The following CNTNAP2 variants were observed in gnomAD, a reference collection of about 807,000 sequenced individuals.
The protein encoded by CNTNAP2 is contactin associated protein 2, also known as contactin-associated protein-like 2.
CNTNAP2 carries 98 observed loss-of-function variants against 155.2 expected under a neutral mutation model. That is an observed-to-expected ratio of 0.63 (90% CI 0.54 to 0.75). CNTNAP2 has a LOEUF of 0.75. Among genes scored for constraint, CNTNAP2 ranks in the 30% least tolerant of loss-of-function variants. CNTNAP2 has a pLI of 0.00. For synonymous variants in CNTNAP2, 651 were observed against 631.2 expected (o/e 1.03, Z -0.47); for missense variants, 1,727 against 1,688.1 (o/e 1.02, Z -0.40).
rs115480137 is a variant in CNTNAP2 at position 146,746,918 on chromosome 7, A to G, written c.98-27353A>G. ...CCTAGCAACAAAGAAGTTTTTTCCTATTATCTTTTTTCCATATTTGGGGAT... is the reference window on the plus strand; with the variant it reads ...CCTAGCAACAAAGAAGTTTTTTCCTGTTATCTTTTTTCCATATTTGGGGAT... On this transcript the variant is annotated intron_variant, in intron 1 of 23. Transcript: ENST00000361727. Among the ~76,000 whole-genome samples the G allele has an allele frequency of 2.9e-3, 434 of 149,370 alleles. 3 individuals are homozygous for G. The highest frequency in any genetic ancestry group is 0.01 in the African/African-American group (399 of 38,792).
intron 13 of CNTNAP2, among the ~76,000 whole-genome samples, chr7:147,850,633 C>T (rs1276315201): frequency 6.6e-6 from 1 of 152,224 alleles, no homozygotes; most frequent in Non-Finnish European, 1.5e-5. Flanking sequence ...CTACAACCAT[C>T]TGATCTTTGA....
intron 21 of CNTNAP2, among the ~76,000 whole-genome samples, chr7:148,334,523 T>G (rs1311961351): frequency 6.6e-6 from 1 of 150,436 alleles, no homozygotes; most frequent in Non-Finnish European, 1.5e-5. Context: ...GGAAAAGGGG[T>G]TTTTCCAGGT....
At chr7:148,279,964 T>C (rs2116459322) in intron 21 of CNTNAP2, among the ~76,000 whole-genome samples, 1 of 152,206 alleles carries the variant, frequency 6.6e-6, no homozygotes, top group Non-Finnish European at 1.5e-5. Context: ...TGCCAAGGGT[T>C]AGTGACTAGG....
At chr7:148,288,919 C>G (rs2177998) in intron 21 of CNTNAP2, among the ~76,000 whole-genome samples, 99,275 of 135,264 alleles carry the variant, frequency 0.73, 34,714 homozygotes, top group South Asian at 0.82. Context: ...TTTTTAATTA[C>G]AACAGATTAA....
At chr7:146,215,000 A>G (rs1157854208) in intron 1 of CNTNAP2, among the ~76,000 whole-genome samples, 1 of 152,168 alleles carries the variant, frequency 6.6e-6, no homozygotes. Flanking sequence ...GTTTCAGAAA[A>G]TCTGCTCCGT....
chr7:147,168,409 C>T (rs1345661721), intron 8 of CNTNAP2, among the ~76,000 whole-genome samples: 1 of 151,916 alleles, frequency 6.6e-6, no homozygotes, highest in Non-Finnish European at 1.5e-5. Context: ...TATGGATTTT[C>T]TCCTAATTAA....
At chr7:148,126,747 C>T (rs919769492) in intron 16 of CNTNAP2, among the ~76,000 whole-genome samples, 1 of 151,982 alleles carries the variant, frequency 6.6e-6, no homozygotes, top group African/African-American at 2.4e-5. Flanking sequence ...ACAATATGAA[C>T]GGGGAGAGGA....
intron 13 of CNTNAP2, among the ~76,000 whole-genome samples, chr7:147,874,299 C>T (rs1295842353): frequency 6.6e-6 from 1 of 152,238 alleles, no homozygotes; most frequent in Non-Finnish European, 1.5e-5. Context: ...GGGGCCTGTG[C>T]CTGCAGCAAA....
At chr7:146,559,391 A>G (rs1397703369) in intron 1 of CNTNAP2, among the ~76,000 whole-genome samples, 1 of 152,048 alleles carries the variant, frequency 6.6e-6, no homozygotes, top group Non-Finnish European at 1.5e-5. Flanking sequence ...AACGTGGTGA[A>G]ACCTCGTCTG....
At chr7:148,227,679 G>A (rs897592706) in intron 19 of CNTNAP2, among the ~76,000 whole-genome samples, 2 of 152,284 alleles carry the variant, frequency 1.3e-5, no homozygotes, top group African/African-American at 2.4e-5. Flanking sequence ...TCCAATCCAC[G>A]GTGCTTAGTT....
intron 13 of CNTNAP2, among the ~76,000 whole-genome samples, chr7:147,812,341 G>T (rs186924489): frequency 7.9e-5 from 12 of 152,102 alleles, no homozygotes; most frequent in Admixed American, 7.2e-4. Context: ...GCAAAAATAT[G>T]TACTATTTGG....
chr7:148,080,698 A>T (rs1803584292), intron 15 of CNTNAP2, among the ~76,000 whole-genome samples: 1 of 152,144 alleles, frequency 6.6e-6, no homozygotes, highest in African/African-American at 2.4e-5. Flanking sequence ...ATAATCCAAA[A>T]ACTGTTTAAT....
intron 3 of CNTNAP2, among the ~76,000 whole-genome samples, chr7:147,024,540 A>G (rs2129247783): frequency 6.6e-6 from 1 of 152,298 alleles, no homozygotes; most frequent in African/African-American, 2.4e-5. Context: ...GTAAATTATA[A>G]AGAAAAGAGG....
At chr7:148,094,887 A>C (rs938210712) in intron 15 of CNTNAP2, among the ~76,000 whole-genome samples, 4 of 152,218 alleles carry the variant, frequency 2.6e-5, no homozygotes, top group African/African-American at 9.6e-5. Context: ...TATCAATGGG[A>C]AGATAGTTGA....
chr7:146,585,235 C>T (rs1798671040), intron 1 of CNTNAP2, among the ~76,000 whole-genome samples: 1 of 152,078 alleles, frequency 6.6e-6, no homozygotes, highest in Non-Finnish European at 1.5e-5. Context: ...CATTTTCCTG[C>T]CTCAGTCTCC....
intron 8 of CNTNAP2, among the ~76,000 whole-genome samples, chr7:147,262,796 C>T (rs1804520088): frequency 6.6e-6 from 1 of 151,998 alleles, no homozygotes; most frequent in East Asian, 2.0e-4. Context: ...ACAGACAGAG[C>T]GAGACTCCGT....
At chr7:147,945,356 A>T (rs986289618) in intron 14 of CNTNAP2, among the ~76,000 whole-genome samples, 4 of 152,184 alleles carry the variant, frequency 2.6e-5, no homozygotes, top group African/African-American at 9.6e-5. Context: ...AAGAAAAGAA[A>T]AAAGAGAGTT....
At chr7:147,641,402 C>T (rs1218835330) in intron 13 of CNTNAP2, among the ~76,000 whole-genome samples, 1 of 152,030 alleles carries the variant, frequency 6.6e-6, no homozygotes, top group Non-Finnish European at 1.5e-5. Flanking sequence ...GGGACTTCAT[C>T]CAGAGGGCCA....
At chr7:147,518,697 A>G (rs1424833600) in intron 11 of CNTNAP2, among the ~76,000 whole-genome samples, 4 of 152,242 alleles carry the variant, frequency 2.6e-5, no homozygotes, top group Admixed American at 6.5e-5. Flanking sequence ...TGATTTTGCT[A>G]TCACGCCCCT....
Sources: gnomAD v4.1 joint callset for allele counts (sites outside exome capture counted in the v4.1 genomes callset) on GRCh38, gnomAD v4.1.1 for gene constraint, MANE v1.5 for transcripts, NCBI Gene and HGNC (gene_info 2026-07-23, HGNC 2026-07-21) for gene names.